TRIM48: variants seen among roughly 807,000 people sequenced by gnomAD.
TRIM48 encodes E3 ubiquitin-protein ligase TRIM48.
A neutral mutation model predicts 29.5 loss-of-function variants in TRIM48; 31 were observed. That is an observed-to-expected ratio of 1.05 (90% CI 0.79 to 1.42). TRIM48 has a LOEUF of 1.42. Ranked by LOEUF, TRIM48 falls within the 40% of genes most tolerant of loss-of-function variation. The pLI, the probability that TRIM48 is intolerant of heterozygous loss-of-function variation, is 0.00. For synonymous variants in TRIM48, 128 were observed against 90.6 expected (o/e 1.41, Z -2.34); for missense variants, 344 against 265.0 (o/e 1.30, Z -2.07).
intron 2 of TRIM48, 115 bp from the exon 3 acceptor site, chr11:55,265,485 A>C: frequency 6.8e-7 from 1 of 1,480,688 alleles, no homozygotes. Flanking sequence ...GAAACAGAAG[A>C]AATGCCATTT....
intron 1 of TRIM48, among the ~76,000 whole-genome samples, chr11:55,263,635 C>A (rs1328727053): frequency 1.3e-5 from 2 of 152,122 alleles, no homozygotes; most frequent in African/African-American, 2.4e-5. Context: ...GCACTCCAGC[C>A]TGGGTGACAC....
In TRIM48 at chr11:55,265,101, T is replaced by C. The variant is rs1257474910; in HGVS notation, c.246T>C (p.Thr82=). 6.3e-7 allele frequency: 1 copy of C among 1,582,946 alleles called. No individual in the cohort carries two copies. Among genetic ancestry groups the C allele is most frequent in the South Asian group, 1.2e-5 (1 of 83,660 alleles). The change falls in exon 2 of 6, where the codon ACT becomes ACC. Residue 82 remains threonine, a synonymous_variant. Coordinates refer to ENST00000417545, the MANE Select transcript of TRIM48 (RefSeq NM_024114.5). The part of the protein sequence containing the change: ...IKTIQQRNLK[T]NIRLKKMASL... The stretch of plus-strand genomic sequence containing the variant: ...CAATACAGCAGAGAAACCTCAAAAC[T>C]AACATTCGATTGAAGAAGATGGCTT...
At chr11:55,266,931 A>T (rs994199392) in intron 3 of TRIM48, among the ~76,000 whole-genome samples, 3 of 147,974 alleles carry the variant, frequency 2.0e-5, no homozygotes, top group Non-Finnish European at 4.5e-5. Context: ...AAAATGGCCA[A>T]ATCATAAATG....
rs145176238 is a variant in TRIM48 at position 55,265,026 on chromosome 11, C to T, written c.171C>T (p.Leu57=). The part of the protein sequence containing the change: ...GHSFCRPCFY[L]NWQDIPILTQ... ...GCTTTTGCAGGCCCTGTTTCTACCT[C>T]AACTGGCAAGACATCCCAATTCTTA... is the stretch of plus-strand genomic sequence containing the variant. Residue 57 remains leucine, a synonymous_variant, in exon 2 of 6, where the codon CTC becomes CTT. Coordinates refer to ENST00000417545, the MANE Select transcript of TRIM48 (RefSeq NM_024114.5). 204 of 1,584,354 alleles carry T rather than the reference C, an allele frequency of 1.3e-4. 20 individuals are homozygous for T. The highest frequency in any genetic ancestry group is 5.4e-4 in the Middle Eastern group (3 of 5,512).
rs375056178 is a variant in TRIM48 at position 55,266,635 on chromosome 11, G to A, written c.555+940G>A. 1.7e-4 allele frequency among the ~76,000 whole-genome samples: 25 copies of A among 147,736 alleles called. 1 individual carries two copies. The highest frequency in any genetic ancestry group is 5.9e-4 in the African/African-American group (24 of 40,478). On this transcript the variant is annotated intron_variant, in intron 3 of 5. Transcript: ENST00000417545. ...GAGGCCAGAAACTGGAGATTAGTGT[G>A]TGAGTTTAAAATAGGGTGGTCAGAA...
At chr11:55,264,707 A>G (rs1195169987) in intron 1 of TRIM48, among the ~76,000 whole-genome samples, 193 bp from the exon 2 acceptor site, 1 of 148,096 alleles carries the variant, frequency 6.8e-6, no homozygotes, top group Non-Finnish European at 1.5e-5. Flanking sequence ...TGAGGCATCT[A>G]GTCAGTAATA....
chr11:55,267,316 A>G lies in TRIM48; in HGVS notation c.556-1034A>G, dbSNP rs1857408510. ...AACTGGCAAGACTGAGGTTTAAACT[A>G]TTGGATGTTCGAGAGACAAAAGGAA... is the stretch of plus-strand genomic sequence containing the variant. On this transcript the variant is annotated intron_variant, in intron 3 of 5. Transcript: ENST00000417545. The G allele has an allele frequency of 1.3e-5, 18 of 1,368,986 alleles. 1 individual carries two copies. The South Asian group carries it at 2.2e-4, about 17-fold the overall frequency. 84.8% of individuals were successfully genotyped at this position (1,368,986 alleles called of 1,614,324 possible). A position where few individuals can be genotyped will look rare whatever the true frequency, so the allele number is the denominator to read the frequency against.
chr11:55,269,408 T>A lies in TRIM48; in HGVS notation c.*1+69T>A. 8 of 1,518,872 alleles carry A rather than the reference T, an allele frequency of 5.3e-6. 2 individuals are homozygous for A. In the East Asian group the frequency reaches 2.0e-4, roughly 38 times the overall value. 94.1% of individuals were successfully genotyped at this position (1,518,872 alleles called of 1,614,324 possible). A position where few individuals can be genotyped will look rare whatever the true frequency, so the allele number is the denominator to read the frequency against. ...ATTATTGTTAGGATCACATAGGTAA[T>A]ATTTCATCCTTTATCAAATATTTTA... On this transcript the variant is annotated intron_variant, in intron 5 of 5. Transcript: ENST00000417545.
rs750291604 is a variant in TRIM48, at chr11:55,270,996, C to T, written c.*561C>T. 4.6e-6 allele frequency: 7 copies of T among 1,511,204 alleles called. 1 individual carries two copies. The highest frequency in any genetic ancestry group is 5.3e-6 in the Non-Finnish European group (6 of 1,123,222). 93.6% of individuals were successfully genotyped at this position (1,511,204 alleles called of 1,614,324 possible). ...GGGAACCCCTTTATCCCAGAAAGCCCTCTTCCTTGTGCCTTATCAAACAGG... is the reference window on the plus strand; with the variant it reads ...GGGAACCCCTTTATCCCAGAAAGCCTTCTTCCTTGTGCCTTATCAAACAGG... On this transcript the variant is annotated 3_prime_UTR_variant, in exon 6 of 6. Transcript: ENST00000417545.
intron 3 of TRIM48, among the ~76,000 whole-genome samples, chr11:55,268,007 G>A (rs1220654532): frequency 4.7e-5 from 7 of 147,684 alleles, no homozygotes; most frequent in Admixed American, 2.1e-4. Context: ...GGGAATCTAG[G>A]CTCACATTAA....
intron 5 of TRIM48, among the ~76,000 whole-genome samples, chr11:55,269,743 G>C (rs1283207263): frequency 6.8e-6 from 1 of 147,366 alleles, no homozygotes; most frequent in Non-Finnish European, 1.5e-5. Flanking sequence ...GAGATTCTTG[G>C]GGTTTTTTAA....
chr11:55,270,281 T>C (rs1857461352), intron 5 of TRIM48, among the ~76,000 whole-genome samples, 156 bp from the exon 6 acceptor site: 3 of 148,186 alleles, frequency 2.0e-5, no homozygotes. Flanking sequence ...TAATCATCTC[T>C]ATACTTTATT....
intron 1 of TRIM48, 36 bp from the exon 2 acceptor site, chr11:55,264,864 A>C (rs1187141645): frequency 6.3e-7 from 1 of 1,582,508 alleles, no homozygotes; most frequent in Non-Finnish European, 8.6e-7. Context: ...TCATCAACCC[A>C]GACCCCAAAA....
chr11:55,270,506 G>T lies in TRIM48; in HGVS notation c.*71G>T, dbSNP rs1197356392. ...CGATGTGGAGATTTGAGAAGCATTTGTATTGGATGTGACCGTCAAAATCCG... is the reference window on the plus strand; with the variant it reads ...CGATGTGGAGATTTGAGAAGCATTTTTATTGGATGTGACCGTCAAAATCCG... On this transcript the variant is annotated 3_prime_UTR_variant, in exon 6 of 6. Transcript: ENST00000417545. 21 of 1,576,914 alleles carry T rather than the reference G, an allele frequency of 1.3e-5. 4 individuals carry two copies. The highest frequency in any genetic ancestry group is 3.4e-5 in the Admixed American group (2 of 58,132).
intron 5 of TRIM48, 74 bp from the exon 6 acceptor site, chr11:55,270,363 T>G (rs1003681643): frequency 1.1e-5 from 13 of 1,224,078 alleles, no homozygotes; most frequent in Non-Finnish European, 1.3e-5. Flanking sequence ...AGAACGATTT[T>G]TGCTTATTTA....
At chr11:55,268,177 T>C (rs1169250834) in intron 3 of TRIM48, among the ~76,000 whole-genome samples, 173 bp from the exon 4 acceptor site, 2 of 147,566 alleles carry the variant, frequency 1.4e-5, no homozygotes, top group African/African-American at 5.0e-5. Context: ...CATTAATTAG[T>C]GACAATATGA....
chr11:55,270,570 G>C lies in TRIM48; in HGVS notation c.*135G>C. Reference sequence around the variant, plus strand: ...CAACACCTACAAGTTTTCTTGCATGGGGTGCTCAGACTTTCACCTCTGGCA... The same window carrying C: ...CAACACCTACAAGTTTTCTTGCATGCGGTGCTCAGACTTTCACCTCTGGCA... On this transcript the variant is annotated 3_prime_UTR_variant, in exon 6 of 6. Coordinates refer to ENST00000417545, the MANE Select transcript of TRIM48 (RefSeq NM_024114.5). 1.3e-5 allele frequency: 21 copies of C among 1,583,446 alleles called. 2 individuals are homozygous for C. The highest frequency in any genetic ancestry group is 1.6e-5 in the Non-Finnish European group (19 of 1,165,796).
At chr11:55,262,535 G>A (rs1857319562) in intron 1 of TRIM48, among the ~76,000 whole-genome samples, 1 of 151,924 alleles carries the variant, frequency 6.6e-6, no homozygotes, top group African/African-American at 2.4e-5. Flanking sequence ...TCTAGTGTTT[G>A]CTGCAACAGA....
At chr11:55,268,909 C>T (rs551049337) in intron 4 of TRIM48, among the ~76,000 whole-genome samples, 1 of 147,832 alleles carries the variant, frequency 6.8e-6, no homozygotes, top group Non-Finnish European at 1.5e-5. Flanking sequence ...CCCAGAACCC[C>T]TCTATTTCAG....
Sources: allele counts gnomAD v4.1 joint callset (sites outside exome capture counted in the v4.1 genomes callset), GRCh38; gene constraint gnomAD v4.1.1; transcripts MANE v1.5; gene names NCBI Gene and HGNC (gene_info 2026-07-23, HGNC 2026-07-21).